MAP3K5: variants seen among roughly 807,000 people sequenced by gnomAD.
The protein encoded by MAP3K5 is ASK-1.
Under a neutral mutation model 158.7 loss-of-function variants are expected in MAP3K5, and 56 were observed. That is an observed-to-expected ratio of 0.35 (90% CI 0.28 to 0.44). MAP3K5 has a LOEUF of 0.44. Ranked by LOEUF, MAP3K5 falls within the 20% of genes least tolerant of loss-of-function variation. The probability of loss-of-function intolerance (pLI) is 1.00; values close to 1 mark genes in which losing one functional copy is unlikely to be tolerated. For missense variants in MAP3K5, 1,294 were observed against 1,674.8 expected (o/e 0.77, Z 3.97); for synonymous variants, 579 against 601.7 (o/e 0.96, Z 0.55).
intron 7 of MAP3K5, among the ~76,000 whole-genome samples, chr6:136,691,795 C>T (rs1006782148): frequency 1.3e-5 from 2 of 152,090 alleles, no homozygotes; most frequent in African/African-American, 4.8e-5. Context: ...ATTTCAACTT[C>T]AGATATTGTA....
chr6:136,562,024 T>C (rs563539200), intron 27 of MAP3K5, among the ~76,000 whole-genome samples: 10 of 152,356 alleles, frequency 6.6e-5, no homozygotes, highest in Admixed American at 2.0e-4. Context: ...AAGAGCCACA[T>C]ATCTAAACAA....
Position 136,601,034 on chromosome 6 carries a change from C to T in MAP3K5, c.2866G>A (p.Ala956Thr). 6.2e-7 allele frequency: 1 copy of T among 1,613,816 alleles called. No homozygotes were observed. ...AAAACAAACTCACCATTTGATCCAG[C>T]TGAAAGAGCTGTGGAAAGAAAAGCA... ...KTQPKLSALS[A>T]GSNEYLRSIS... Residue 956 changes from alanine to threonine, a missense_variant, in exon 21 of 30, where the codon GCT becomes ACT. By Grantham distance (58) the Ala-to-Thr change is moderately conservative (BLOSUM62 0). Coordinates refer to ENST00000359015, the MANE Select transcript of MAP3K5 (RefSeq NM_005923.4).
At chr6:136,754,030 T>G (rs554922984) in intron 1 of MAP3K5, among the ~76,000 whole-genome samples, 1 of 152,014 alleles carries the variant, frequency 6.6e-6, no homozygotes, top group South Asian at 2.1e-4. Flanking sequence ...ATCCAGCACT[T>G]TGGGAGGCTG....
intron 2 of MAP3K5, among the ~76,000 whole-genome samples, chr6:136,715,022 T>C (rs1781461641): frequency 6.6e-6 from 1 of 152,172 alleles, no homozygotes; most frequent in Non-Finnish European, 1.5e-5. Flanking sequence ...ATCCATAAAG[T>C]AACTTTTCAG....
intron 14 of MAP3K5, among the ~76,000 whole-genome samples, chr6:136,625,359 G>A (rs1427868257): frequency 6.6e-6 from 1 of 152,180 alleles, no homozygotes; most frequent in Non-Finnish European, 1.5e-5. Flanking sequence ...TCTCATGTGG[G>A]GCTTGGGTCT....
intron 1 of MAP3K5, among the ~76,000 whole-genome samples, chr6:136,761,586 T>A (rs147133632): frequency 1.3e-5 from 2 of 152,100 alleles, no homozygotes; most frequent in Non-Finnish European, 2.9e-5. Flanking sequence ...GAAGGACAGA[T>A]GTGCACCAGG....
At chr6:136,595,877 G>C (rs1386202155) in intron 21 of MAP3K5, among the ~76,000 whole-genome samples, 1 of 152,142 alleles carries the variant, frequency 6.6e-6, no homozygotes, top group Non-Finnish European at 1.5e-5. Flanking sequence ...TGACATGGTG[G>C]TGTGTGCCTG....
At chr6:136,622,592 C>A (rs1280347183) in intron 15 of MAP3K5, among the ~76,000 whole-genome samples, 1 of 152,154 alleles carries the variant, frequency 6.6e-6, no homozygotes, top group African/African-American at 2.4e-5. Flanking sequence ...CATAATACAT[C>A]CACCTTTATC....
At chr6:136,693,658 A>G (rs1332280460) in intron 7 of MAP3K5, among the ~76,000 whole-genome samples, 1 of 152,112 alleles carries the variant, frequency 6.6e-6, no homozygotes, top group Admixed American at 6.5e-5. Flanking sequence ...AATTTACTAT[A>G]CTATGTTAAA....
At position 136,701,683 on chromosome 6, in the gene MAP3K5, G is replaced by C. The variant is rs567274851; in HGVS notation, c.613-3001C>G. Among the ~76,000 whole-genome samples, 30 of 152,302 alleles carry C rather than the reference G, an allele frequency of 2.0e-4. No homozygotes were observed. The East Asian group carries it at 5.4e-3, about 27-fold the overall frequency. On this transcript the variant is annotated intron_variant, in intron 3 of 29. Transcript: ENST00000359015. ...CCAAAGCATCTAAAGCTTCAACTAT[G>C]AGAATTGTTCTAAAAGAACAACAGA...
At chr6:136,791,605 G>A in intron 1 of MAP3K5, 105 bp downstream of exon 1, 4 of 1,283,370 alleles carry the variant, frequency 3.1e-6, no homozygotes, top group Non-Finnish European at 4.4e-6. Flanking sequence ...CCAAAGTGGG[G>A]CAAGAAGTAA....
intron 1 of MAP3K5, among the ~76,000 whole-genome samples, chr6:136,770,885 A>C (rs879781654): frequency 3.9e-5 from 6 of 152,246 alleles, no homozygotes; most frequent in Non-Finnish European, 8.8e-5. Flanking sequence ...AATTATCATA[A>C]ACATAAAACT....
chr6:136,791,988 A>T lies in MAP3K5; in HGVS notation c.170T>A (p.Val57Glu), dbSNP rs1349954926. 4.4e-6 allele frequency: 7 copies of T among 1,605,340 alleles called. No individual in the cohort carries two copies. The South Asian group carries it at 7.7e-5, about 18-fold the overall frequency. The change falls in exon 1 of 30, where the codon GTG (valine) becomes GAG (glutamate). Residue 57 changes from valine to glutamate, a missense_variant. By Grantham distance (121) the Val-to-Glu change is moderately radical (BLOSUM62 -2). Around this residue, in one of 5 missense-constraint regions of MAP3K5, gnomAD observed 690 missense variants for 870.5 expected, o/e 0.79. Coordinates refer to ENST00000359015, the MANE Select transcript of MAP3K5 (RefSeq NM_005923.4). ...GATGCCAGGGGCAGCGGCGCTCTCC[A>T]CGTTCCAGAAGCTGCCCGGCGGCGG... is the stretch of plus-strand genomic sequence containing the variant. The part of the protein sequence containing the change: ...PPPPPGSFWN[V>E]ESAAAPGIGC...
chr6:136,680,505 A>G (rs1219075206), intron 7 of MAP3K5, among the ~76,000 whole-genome samples: 1 of 152,206 alleles, frequency 6.6e-6, no homozygotes, highest in African/African-American at 2.4e-5. Context: ...CTTTGTTTCC[A>G]TATCTACCAT....
intron 23 of MAP3K5, among the ~76,000 whole-genome samples, chr6:136,591,661 T>G (rs566695518): frequency 9.2e-5 from 14 of 152,360 alleles, no homozygotes; most frequent in African/African-American, 3.1e-4. Flanking sequence ...CAAGGACTTA[T>G]CAACTACATT....
At chr6:136,698,820 C>A (rs556836241) in intron 3 of MAP3K5, 138 bp from the exon 4 acceptor site, 2 of 595,338 alleles carry the variant, frequency 3.4e-6, no homozygotes, top group African/African-American at 1.9e-5. Context: ...TTATGACCTA[C>A]GACAATGAAA....
intron 1 of MAP3K5, among the ~76,000 whole-genome samples, chr6:136,726,592 CA>C (rs959722727): frequency 2.9e-4 from 41 of 140,810 alleles, no homozygotes; most frequent in Non-Finnish European, 2.6e-4. Flanking sequence ...GACTCTGCCT[CA>C]AAAAAAAAAA....
intron 21 of MAP3K5, chr6:136,592,884 G>T: frequency 1.9e-6 from 1 of 520,604 alleles, no homozygotes; most frequent in East Asian, 4.8e-5. Flanking sequence ...AAGTTCAGTG[G>T]GTCTACTGAG....
chr6:136,695,106 A>G (rs959792252), intron 6 of MAP3K5, among the ~76,000 whole-genome samples: 2 of 151,980 alleles, frequency 1.3e-5, no homozygotes, highest in East Asian at 3.9e-4. Flanking sequence ...AGTGATGAAA[A>G]TGTTTTAAAA....
Sources: allele counts gnomAD v4.1 joint callset (sites outside exome capture counted in the v4.1 genomes callset), GRCh38; gene constraint gnomAD v4.1.1; regional missense constraint gnomAD v4.1.1; transcripts MANE v1.5; gene names NCBI Gene and HGNC (gene_info 2026-07-23, HGNC 2026-07-21).